The following LRP1B variants were observed in gnomAD, a reference collection of about 807,000 sequenced individuals.
LRP1B encodes low-density lipoprotein receptor-related protein 1B.
In LRP1B, 217 loss-of-function variants were observed where a neutral mutation model predicts 556.6. The observed-to-expected ratio is 0.39, with a 90% confidence interval of 0.35 to 0.44. The LOEUF (loss-of-function observed/expected upper bound fraction) is 0.44, where lower values mean the gene tolerates loss of function less well. Ranked by LOEUF, LRP1B falls within the 20% of genes least tolerant of loss-of-function variation. The pLI, the probability that LRP1B is intolerant of heterozygous loss-of-function variation, is 1.00. For missense variants in LRP1B, 5,053 were observed against 5,620.8 expected (o/e 0.90, Z 3.23); for synonymous variants, 2,047 against 1,865.8 (o/e 1.10, Z -2.50).
chr2:140,948,633 T>C (rs1695612827), intron 20 of LRP1B, among the ~76,000 whole-genome samples: 1 of 152,226 alleles, frequency 6.6e-6, no homozygotes, highest in African/African-American at 2.4e-5. Context: ...TCTTATAGGA[T>C]GTCACAAATA....
intron 3 of LRP1B, among the ~76,000 whole-genome samples, chr2:141,343,486 A>T (rs1559018500): frequency 6.6e-6 from 1 of 152,098 alleles, no homozygotes; most frequent in Non-Finnish European, 1.5e-5. Flanking sequence ...TGTGTGCTAG[A>T]TATTTTTGTG....
intron 66 of LRP1B, among the ~76,000 whole-genome samples, chr2:140,422,091 T>C (rs963958919): frequency 9.9e-5 from 15 of 152,220 alleles, no homozygotes; most frequent in Non-Finnish European, 1.9e-4. Context: ...GTTATTTCTT[T>C]TCTTCACTCC....
intron 7 of LRP1B, among the ~76,000 whole-genome samples, chr2:141,074,451 A>C (rs1473608201): frequency 1.3e-5 from 2 of 151,836 alleles, no homozygotes; most frequent in African/African-American, 4.8e-5. Context: ...AAAGTTGTTT[A>C]AAATCTATGA....
chr2:141,892,961 CT>C (rs1558944561), intron 1 of LRP1B, among the ~76,000 whole-genome samples: 1 of 151,948 alleles, frequency 6.6e-6, no homozygotes, highest in African/African-American at 2.4e-5. Context: ...GGTTCATTTG[CT>C]TTAGTGATTG....
intron 2 of LRP1B, among the ~76,000 whole-genome samples, chr2:141,519,943 C>T (rs565838589): frequency 4.2e-4 from 64 of 151,978 alleles, no homozygotes; most frequent in African/African-American, 1.4e-3. Context: ...TATGAAAGCC[C>T]GACAATAGGG....
chr2:142,053,727 T>G (rs1324503718), intron 1 of LRP1B, among the ~76,000 whole-genome samples: 2 of 152,158 alleles, frequency 1.3e-5, no homozygotes, highest in Non-Finnish European at 2.9e-5. Context: ...CATTGGCCAC[T>G]AATTAATTCC....
intron 20 of LRP1B, among the ~76,000 whole-genome samples, chr2:140,937,300 G>A (rs1695257916): frequency 6.6e-6 from 1 of 152,072 alleles, no homozygotes; most frequent in Admixed American, 6.6e-5. Flanking sequence ...GCTACAGTAT[G>A]GAAGAAACTT....
intron 22 of LRP1B, 121 bp from the exon 23 acceptor site, chr2:140,903,286 A>G (rs1057248293): frequency 3.7e-5 from 43 of 1,175,928 alleles, no homozygotes; most frequent in African/African-American, 4.6e-5. Flanking sequence ...GAATATAAGA[A>G]AGCCCTCTTT....
chr2:141,553,774 TTATA>T (rs1685846736), intron 2 of LRP1B, among the ~76,000 whole-genome samples: 6 of 139,644 alleles, frequency 4.3e-5, no homozygotes, highest in Admixed American at 2.3e-4. Flanking sequence ...TATGTTTATA[TTATA>T]TATAAATATA....
At chr2:140,529,001 C>T (rs975655357) in intron 47 of LRP1B, among the ~76,000 whole-genome samples, 1 of 151,910 alleles carries the variant, frequency 6.6e-6, no homozygotes, top group African/African-American at 2.4e-5. Context: ...AATATTTCCT[C>T]GGGCTAAGAG....
At chr2:140,682,971 A>G (rs750165012) in intron 41 of LRP1B, among the ~76,000 whole-genome samples, 5 of 152,188 alleles carry the variant, frequency 3.3e-5, no homozygotes, top group African/African-American at 4.8e-5. Flanking sequence ...AATTACACAG[A>G]AAGAAAACCC....
chr2:141,215,590 G>T (rs996332803), intron 6 of LRP1B, among the ~76,000 whole-genome samples: 3 of 152,290 alleles, frequency 2.0e-5, no homozygotes, highest in Admixed American at 2.0e-4. Flanking sequence ...GGACAGTGAA[G>T]TTCAAGCTGA....
chr2:140,856,738 TACACACACACACACACAC>T (rs57220779), intron 27 of LRP1B, among the ~76,000 whole-genome samples: 7,281 of 148,148 alleles, frequency 0.049, 205 homozygotes, highest in East Asian at 0.072. Flanking sequence ...CTAAGAGAGA[TACACACACACACACACAC>T]ACACACACAC....
chr2:141,844,358 C>G (rs141623950), intron 1 of LRP1B, among the ~76,000 whole-genome samples: 10 of 152,220 alleles, frequency 6.6e-5, no homozygotes, highest in Non-Finnish European at 1.5e-4. Context: ...AATTAAATCA[C>G]TCACAGTATT....
chr2:141,137,437 G>C (rs1012682449), intron 7 of LRP1B, among the ~76,000 whole-genome samples: 1 of 151,848 alleles, frequency 6.6e-6, no homozygotes, highest in Non-Finnish European at 1.5e-5. Flanking sequence ...TTGCAGGCGA[G>C]ATGTAAAGGT....
chr2:140,281,541 CATT>C (rs2104966272), intron 84 of LRP1B, among the ~76,000 whole-genome samples: 1 of 151,880 alleles, frequency 6.6e-6, no homozygotes, highest in South Asian at 2.1e-4. Context: ...GAGAATTAGA[CATT>C]AATATTATTG....
chr2:140,650,511 G>A lies in LRP1B; in HGVS notation c.6800-48872C>T, dbSNP rs552745853. The stretch of plus-strand genomic sequence containing the variant: ...TTACAGGTGCCTGCCACCATGGCCA[G>A]CTAATTTTTATATTTTTAGAAGAGA... On this transcript the variant is annotated intron_variant, in intron 41 of 90. Transcript: ENST00000389484. Among the ~76,000 whole-genome samples the A allele has an allele frequency of 3.3e-5, 5 of 152,032 alleles. No homozygotes were observed. In the East Asian group the frequency reaches 5.8e-4, roughly 18 times the overall value.
intron 1 of LRP1B, among the ~76,000 whole-genome samples, chr2:142,008,985 C>T (rs1053394406): frequency 2.0e-5 from 3 of 152,058 alleles, no homozygotes; most frequent in African/African-American, 7.2e-5. Context: ...TGAAGATCAG[C>T]AAAACCATGC....
intron 41 of LRP1B, among the ~76,000 whole-genome samples, chr2:140,691,964 C>A (rs889299483): frequency 1.9e-4 from 29 of 151,986 alleles, no homozygotes; most frequent in Admixed American, 1.6e-3. Context: ...GTATATAGTT[C>A]TCTCAATACC....
Sources: allele counts gnomAD v4.1 joint callset (sites outside exome capture counted in the v4.1 genomes callset), GRCh38; gene constraint gnomAD v4.1.1; transcripts MANE v1.5; gene names NCBI Gene and HGNC (gene_info 2026-07-23, HGNC 2026-07-21).